Variants in SYT1 observed in about 807,000 individuals in gnomAD.
SYT1 encodes synaptotagmin 1, also known as synaptotagmin-1.
In SYT1, 8 loss-of-function variants were observed where a neutral mutation model predicts 44.8. The observed-to-expected ratio is 0.18, with a 90% confidence interval of 0.10 to 0.32. The LOEUF is 0.32. SYT1 is among the 10% of genes least tolerant of loss of function. The pLI is 1.00. For missense variants in SYT1, 286 were observed against 509.3 expected (o/e 0.56, Z 4.22); for synonymous variants, 154 against 188.8 (o/e 0.82, Z 1.51).
At chr12:78,916,243 CTTTA>C (rs1194730452) in intron 1 of SYT1, among the ~76,000 whole-genome samples, 1 of 151,986 alleles carries the variant, frequency 6.6e-6, no homozygotes, top group Non-Finnish European at 1.5e-5. Context: ...TCTTATTTAA[CTTTA>C]TTGAAATGTC....
chr12:79,025,876 T>G (rs148777556), intron 2 of SYT1, among the ~76,000 whole-genome samples: 16 of 151,646 alleles, frequency 1.1e-4, no homozygotes, highest in African/African-American at 3.9e-4. Context: ...GACAACCTCG[T>G]TGGGAAATGT....
chr12:79,451,294 T>C lies in SYT1; in HGVS notation c.*2170T>C, dbSNP rs1012816131. On this transcript the variant is annotated 3_prime_UTR_variant, in exon 11 of 11. Transcript: ENST00000261205. ...TAAAAAACATAGGTAATAGAAAATATACACAAGTCAGAATGTGAAATTAAA... is the reference window on the plus strand; with the variant it reads ...TAAAAAACATAGGTAATAGAAAATACACACAAGTCAGAATGTGAAATTAAA... 6.6e-6 allele frequency: 1 copy of C among 152,310 alleles called. No individual in the cohort carries two copies. Among genetic ancestry groups the C allele is most frequent in the East Asian group, 1.9e-4 (1 of 5,180 alleles). The allele number at this position is 152,310 out of a possible 1,614,324, so 9.4% of individuals were successfully genotyped here. A position where few individuals can be genotyped will look rare whatever the true frequency, so the allele number is the denominator to read the frequency against.
At chr12:78,959,699 A>G (rs1480590275) in intron 1 of SYT1, among the ~76,000 whole-genome samples, 1 of 152,200 alleles carries the variant, frequency 6.6e-6, no homozygotes, top group Non-Finnish European at 1.5e-5. Flanking sequence ...ATATGTGCCC[A>G]TCAGAGAAGG....
intron 3 of SYT1, among the ~76,000 whole-genome samples, chr12:79,172,809 C>T (rs944249712): frequency 6.6e-6 from 1 of 150,924 alleles, no homozygotes; most frequent in Non-Finnish European, 1.5e-5. Context: ...TTCTCTTAAG[C>T]CTATGTTAGC....
At chr12:78,993,981 G>A (rs987134226) in intron 2 of SYT1, among the ~76,000 whole-genome samples, 1 of 152,164 alleles carries the variant, frequency 6.6e-6, no homozygotes, top group East Asian at 1.9e-4. Context: ...TCTGATGATA[G>A]TATGTTGTTG....
At position 79,179,281 on chromosome 12, in the gene SYT1, GAT is replaced by G. The variant is rs1872236979; in HGVS notation, c.-17-38216_-17-38215del. On this transcript the variant is annotated intron_variant, in intron 3 of 10. Coordinates refer to ENST00000261205, the MANE Select transcript of SYT1 (RefSeq NM_005639.3). ...ATATAGATATATAGATATAGATATA[GAT>G]ATATAGATACAGATTTAGATATATC... is the stretch of plus-strand genomic sequence containing the variant. 4.2e-5 allele frequency among the ~76,000 whole-genome samples: 5 copies of G among 118,632 alleles called. 2 individuals carry two copies. The highest frequency in any genetic ancestry group is 1.7e-4 in the African/African-American group (5 of 29,098). The allele number at this position is 118,632 out of a possible 152,430, so 77.8% of individuals were successfully genotyped here.
intron 4 of SYT1, among the ~76,000 whole-genome samples, chr12:79,223,896 C>G (rs1565862881): frequency 1.3e-5 from 2 of 152,174 alleles, no homozygotes; most frequent in Non-Finnish European, 2.9e-5. Flanking sequence ...GTGCTCGCTT[C>G]CCTCTCTTTC....
At chr12:79,331,451 C>T (rs1881851176) in intron 8 of SYT1, among the ~76,000 whole-genome samples, 1 of 152,282 alleles carries the variant, frequency 6.6e-6, no homozygotes, top group South Asian at 2.1e-4. Flanking sequence ...ATTCAAAATA[C>T]TGTCCATTAG....
At chr12:79,190,179 G>A (rs117040897) in intron 3 of SYT1, among the ~76,000 whole-genome samples, 499 of 152,012 alleles carry the variant, frequency 3.3e-3, no homozygotes, top group Non-Finnish European at 5.4e-3. Context: ...CTTCTTTTCC[G>A]AACTTGCCAG....
chr12:79,227,254 A>G (rs1193878446), intron 4 of SYT1, among the ~76,000 whole-genome samples: 2 of 152,164 alleles, frequency 1.3e-5, no homozygotes, highest in African/African-American at 2.4e-5. Context: ...AAGGAGAAGG[A>G]AATGGTAAAC....
chr12:79,285,279 A>C (rs1435840827), intron 4 of SYT1, among the ~76,000 whole-genome samples: 1 of 152,252 alleles, frequency 6.6e-6, no homozygotes, highest in African/African-American at 2.4e-5. Context: ...ATAGATGAGT[A>C]ATAGCAGCTG....
chr12:79,228,053 C>A (rs867906078), intron 4 of SYT1, among the ~76,000 whole-genome samples: 1 of 134,142 alleles, frequency 7.5e-6, no homozygotes, highest in African/African-American at 2.8e-5. Flanking sequence ...TTTTTTTGGT[C>A]CTATAATTTT....
chr12:79,361,489 C>A (rs146791407), intron 9 of SYT1, among the ~76,000 whole-genome samples: 92 of 152,200 alleles, frequency 6.0e-4, no homozygotes, highest in African/African-American at 2.0e-3. Context: ...CCAAAAGTGA[C>A]CTGATTCCAA....
chr12:79,035,774 T>C (rs1280026735), intron 2 of SYT1, among the ~76,000 whole-genome samples: 1 of 151,704 alleles, frequency 6.6e-6, no homozygotes, highest in Non-Finnish European at 1.5e-5. Context: ...CCCTGCAGAC[T>C]CAACTGGCAA....
At chr12:79,262,838 C>T (rs937735102) in intron 4 of SYT1, among the ~76,000 whole-genome samples, 1 of 152,174 alleles carries the variant, frequency 6.6e-6, no homozygotes, top group Non-Finnish European at 1.5e-5. Context: ...TTCCACAGTT[C>T]TGCACTGTAT....
At chr12:79,073,433 ATAAGGCAAGGT>A (rs768793255) in intron 3 of SYT1, among the ~76,000 whole-genome samples, 8 of 152,142 alleles carry the variant, frequency 5.3e-5, no homozygotes, top group Non-Finnish European at 1.0e-4. Flanking sequence ...TTTGGAGAAA[ATAAGGCAAGGT>A]TAGGCGAATT....
chr12:79,148,719 A>C (rs975879098), intron 3 of SYT1, among the ~76,000 whole-genome samples: 2 of 152,148 alleles, frequency 1.3e-5, no homozygotes, highest in Non-Finnish European at 2.9e-5. Flanking sequence ...CTGAGGTGCT[A>C]TATCTGTATG....
At chr12:79,388,691 A>G (rs1424380959) in intron 9 of SYT1, among the ~76,000 whole-genome samples, 1 of 152,144 alleles carries the variant, frequency 6.6e-6, no homozygotes, top group Non-Finnish European at 1.5e-5. Flanking sequence ...AGCCTGGGCA[A>G]CAGAGTGAGA....
rs561535444 is a variant in SYT1, at chr12:78,984,878, G to T, written c.-84+6947G>T. Reference sequence around the variant, plus strand: ...GGGCTCAAATTTAGGTCCCACAATAGAAAAAGAATTAACAGGAAGGTGGAA... The same window carrying T: ...GGGCTCAAATTTAGGTCCCACAATATAAAAAGAATTAACAGGAAGGTGGAA... On this transcript the variant is annotated intron_variant, in intron 2 of 10. Transcript: ENST00000261205. Among the ~76,000 whole-genome samples the T allele has an allele frequency of 3.3e-5, 5 of 151,936 alleles. No homozygotes were observed. In the East Asian group the frequency reaches 9.7e-4, roughly 29 times the overall value.
Sources: gnomAD v4.1 joint callset for allele counts (sites outside exome capture counted in the v4.1 genomes callset) on GRCh38, gnomAD v4.1.1 for gene constraint, MANE v1.5 for transcripts, NCBI Gene and HGNC (gene_info 2026-07-23, HGNC 2026-07-21) for gene names.